GALNS: variants seen among roughly 807,000 people sequenced by gnomAD.
GALNS encodes galactosamine (N-acetyl)-6-sulfatase.
In GALNS, 65 loss-of-function variants were observed where a neutral mutation model predicts 65.9. The ratio of observed to expected loss-of-function variants is 0.99; its 90% CI spans 0.81 to 1.21. GALNS has a LOEUF of 1.21. GALNS is among the 50% of genes most tolerant of loss of function. GALNS has a pLI of 0.00. For synonymous variants in GALNS, 346 were observed against 288.9 expected, an observed-to-expected ratio of 1.20 and a Z score of -2.00; for missense variants, 776 against 700.7, an observed-to-expected ratio of 1.11 and a Z score of -1.21.
intron 1 of GALNS, among the ~76,000 whole-genome samples, chr16:88,853,785 C>T (rs1205826408): frequency 6.6e-6 from 1 of 152,108 alleles, no homozygotes; most frequent in East Asian, 1.9e-4. Flanking sequence ...CAGTGAAAGG[C>T]CAGGGCAGGG....
chr16:88,834,858 G>A (rs532113700), intron 8 of GALNS, among the ~76,000 whole-genome samples: 24 of 152,210 alleles, frequency 1.6e-4, no homozygotes, highest in African/African-American at 4.1e-4. Flanking sequence ...CTGGGGTGCC[G>A]GCCCCCACCT....
intron 8 of GALNS, among the ~76,000 whole-genome samples, chr16:88,833,193 C>T (rs546997332): frequency 6.6e-6 from 1 of 152,224 alleles, no homozygotes; most frequent in South Asian, 2.1e-4. Flanking sequence ...CCCCGAGCGG[C>T]AGCGTGGGGA....
intron 1 of GALNS, among the ~76,000 whole-genome samples, chr16:88,849,148 T>C (rs977845394): frequency 6.6e-6 from 1 of 152,214 alleles, no homozygotes; most frequent in South Asian, 2.1e-4. Context: ...AGGGTCTCAC[T>C]CTGACAAACA....
intron 5 of GALNS, among the ~76,000 whole-genome samples, chr16:88,837,079 T>A (rs1912217215): frequency 6.6e-6 from 1 of 152,176 alleles, no homozygotes; most frequent in African/African-American, 2.4e-5. Context: ...AATGAGCACT[T>A]CCGCCAAGAA....
rs377313173 is a variant in GALNS at position 88,816,088 on chromosome 16, C to G, written c.1483-1563G>C. 28 of 985,468 alleles carry G rather than the reference C, an allele frequency of 2.8e-5. 1 individual carries two copies. In the East Asian group the frequency reaches 9.1e-4, roughly 32 times the overall value. 61.0% of individuals were successfully genotyped at this position (985,468 alleles called of 1,614,324 possible). On this transcript the variant is annotated intron_variant, in intron 13 of 13. Coordinates refer to ENST00000268695, the MANE Select transcript of GALNS (RefSeq NM_000512.5). ...TGCTCACGGTGGCATCTGGGCCCCTCAGACCCCAGTGGCTCAGCTCGCCAG... is the reference window on the plus strand; with the variant it reads ...TGCTCACGGTGGCATCTGGGCCCCTGAGACCCCAGTGGCTCAGCTCGCCAG...
intron 10 of GALNS, among the ~76,000 whole-genome samples, chr16:88,826,208 C>T (rs1172428591): frequency 8.0e-5 from 9 of 113,004 alleles, no homozygotes; most frequent in Non-Finnish European, 1.2e-4. Context: ...GCAGGGGCGG[C>T]GTGTGCCCAG....
chr16:88,816,489 A>G, intron 13 of GALNS: 1 of 984,552 alleles, frequency 1.0e-6, no homozygotes, highest in Non-Finnish European at 1.2e-6. Flanking sequence ...GGCCCTGAAT[A>G]TCTTCCTATG....
At chr16:88,823,747 A>C (rs374512281) in intron 11 of GALNS, among the ~76,000 whole-genome samples, 1,579 of 134,350 alleles carry the variant, frequency 0.012, 100 homozygotes, top group African/African-American at 0.045. Context: ...TGCCCGGGGA[A>C]CGATGCCCAG....
At chr16:88,848,788 G>C (rs973738338) in intron 1 of GALNS, among the ~76,000 whole-genome samples, 1 of 151,920 alleles carries the variant, frequency 6.6e-6, no homozygotes, top group East Asian at 1.9e-4. Flanking sequence ...GACTGGGAAC[G>C]GCTGCTGGAG....
intron 8 of GALNS, among the ~76,000 whole-genome samples, chr16:88,833,197 G>A (rs1416256273): frequency 5.3e-5 from 8 of 152,234 alleles, no homozygotes; most frequent in East Asian, 1.9e-4. Flanking sequence ...GAGCGGCAGC[G>A]TGGGGAAGCC....
At chr16:88,851,348 T>TA (rs935724247) in intron 1 of GALNS, among the ~76,000 whole-genome samples, 10 of 152,044 alleles carry the variant, frequency 6.6e-5, no homozygotes, top group African/African-American at 2.2e-4. Context: ...ACACTGTCAC[T>TA]AAAAAAAACT....
chr16:88,845,039 T>C (rs1967178830), intron 1 of GALNS: 1 of 152,222 alleles, frequency 6.6e-6, no homozygotes. Context: ...ATGCCTGGCT[T>C]ATGGGTTTAA....
chr16:88,834,850 G>T (rs145128261), intron 8 of GALNS, among the ~76,000 whole-genome samples: 5,951 of 152,220 alleles, frequency 0.039, 147 homozygotes, highest in South Asian at 0.084. Flanking sequence ...CTCGGGGTCT[G>T]GGGTGCCGGC....
intron 9 of GALNS, among the ~76,000 whole-genome samples, chr16:88,830,571 A>G (rs995530556): frequency 1.3e-5 from 2 of 152,244 alleles, no homozygotes; most frequent in African/African-American, 4.8e-5. Context: ...AACAGTGAAG[A>G]AACAGCGGTC....
intron 1 of GALNS, among the ~76,000 whole-genome samples, chr16:88,848,835 G>A (rs1967374679): frequency 6.6e-6 from 1 of 152,258 alleles, no homozygotes; most frequent in Admixed American, 6.5e-5. Context: ...CGGGAGGACA[G>A]TGGGCCGCTC....
chr16:88,831,082 T>C (rs1911452870), intron 9 of GALNS, among the ~76,000 whole-genome samples: 1 of 152,220 alleles, frequency 6.6e-6, no homozygotes, highest in Admixed American at 6.5e-5. Flanking sequence ...ACACAGTCAT[T>C]ACCAGCACCC....
chr16:88,843,375 G>T (rs550057237), intron 1 of GALNS: 195 of 457,732 alleles, frequency 4.3e-4, no homozygotes, highest in African/African-American at 3.8e-3. Context: ...ACGCAGGCCT[G>T]CATACGAGCG....
rs1820483602 is a variant in GALNS at position 88,856,938 on chromosome 16, C to T, written c.-61G>A. ...GCCGACCTAGCGAGCGTCCGCCGGC[C>T]CTTCCGGCTGGGCTGCGGGGCGGGG... On this transcript the variant is annotated 5_prime_UTR_variant, in exon 1 of 14. Transcript: ENST00000268695. The T allele has an allele frequency of 4.8e-6, 7 of 1,464,164 alleles. No individual in the cohort carries two copies. The highest frequency in any genetic ancestry group is 5.1e-5 in the Admixed American group (2 of 39,270). 90.7% of individuals were successfully genotyped at this position (1,464,164 alleles called of 1,614,324 possible).
chr16:88,817,969 C>A, intron 13 of GALNS, 38 bp downstream of exon 13: 1 of 1,516,750 alleles, frequency 6.6e-7, no homozygotes. Flanking sequence ...GGCTGCAGCC[C>A]CGGCAAAGAG....
Sources: allele counts gnomAD v4.1 joint callset (sites outside exome capture counted in the v4.1 genomes callset), GRCh38; gene constraint gnomAD v4.1.1; transcripts MANE v1.5; gene names NCBI Gene and HGNC (gene_info 2026-07-23, HGNC 2026-07-21).